The following FOXL2 variants were observed in gnomAD, a reference collection of about 807,000 sequenced individuals.
FOXL2 encodes forkhead box protein L2.
A neutral mutation model predicts 2.5 loss-of-function variants in FOXL2; 3 were observed. The observed-to-expected ratio is 1.20, with a 90% CI of 0.55 to 3.11. FOXL2 has a LOEUF of 3.11. Ranked by LOEUF, FOXL2 falls within the 30% of genes most tolerant of loss-of-function variation. FOXL2 has a pLI of 0.03. For missense variants in FOXL2, 512 were observed against 570.0 expected (o/e 0.90, Z 1.04); for synonymous variants, 315 against 269.4 (o/e 1.17, Z -1.66).
At position 138,946,423 on chromosome 3, in the gene FOXL2, A is replaced by G. The variant is rs1356397966; in HGVS notation, c.300T>C (p.Asn100=). The part of the protein sequence containing the change: ...FYEKNKKGWQ[N]SIRHNLSLNE... ...TGAGGCTGAGGTTGTGGCGGATGCTATTTTGCCAGCCCTTCTTATTCTTCT... is the reference window on the plus strand; with the variant it reads ...TGAGGCTGAGGTTGTGGCGGATGCTGTTTTGCCAGCCCTTCTTATTCTTCT... The change falls in exon 1 of 1, where the codon AAT becomes AAC. Residue 100 remains asparagine, a synonymous_variant. Coordinates refer to ENST00000648323, the MANE Select transcript of FOXL2 (RefSeq NM_023067.4). 28 of 1,613,914 alleles carry G rather than the reference A, an allele frequency of 1.7e-5. No homozygotes were observed. The highest frequency in any genetic ancestry group is 2.3e-5 in the Non-Finnish European group (27 of 1,179,962).
In FOXL2 at chr3:138,946,084, C is replaced by T; in HGVS notation, c.639G>A (p.Met213Ile). 2 of 1,465,404 alleles carry T rather than the reference C, an allele frequency of 1.4e-6. No homozygotes were observed. Among genetic ancestry groups the T allele is most frequent in the Non-Finnish European group, 1.8e-6 (2 of 1,117,272 alleles). 90.8% of individuals were successfully genotyped at this position (1,465,404 alleles called of 1,614,324 possible). The change falls in exon 1 of 1, where the codon ATG (methionine) becomes ATA (isoleucine). Residue 213 changes from methionine (M) to isoleucine (I), a missense_variant. Around this residue, in one of 5 missense-constraint regions of FOXL2, gnomAD observed 287 missense variants for 277.4 expected, o/e 1.03. Coordinates refer to ENST00000648323, the MANE Select transcript of FOXL2 (RefSeq NM_023067.4). ...CCGCCATCTGGCAGGAGGCATAGGGCATGGGTGAGGGAGGCTGCGGTAGCG... is the reference window on the plus strand; with the variant it reads ...CCGCCATCTGGCAGGAGGCATAGGGTATGGGTGAGGGAGGCTGCGGTAGCG... ...SWPLPQPPSP[M>I]PYASCQMAAA...
rs951977992 is a variant in FOXL2, at chr3:138,947,077, C to A, written c.-355G>T. On this transcript the variant is annotated 5_prime_UTR_variant, in exon 1 of 1. Transcript: ENST00000648323. This position sits in a 1 kb window ranked among gnomAD's most constrained non-coding sequence, Gnocchi z 5.2. Reference sequence around the variant, plus strand: ...CCCCCCGGTTTCCCGAAGCACGACCCGCGTCTCTGGCGGAGCTGCCTCCTG... The same window carrying A: ...CCCCCCGGTTTCCCGAAGCACGACCAGCGTCTCTGGCGGAGCTGCCTCCTG... The A allele has an allele frequency of 1.2e-5, 5 of 411,058 alleles. No individual in the cohort carries two copies. In the South Asian group the frequency reaches 1.5e-4, roughly 12 times the overall value. 25.5% of individuals were successfully genotyped at this position (411,058 alleles called of 1,614,324 possible). A position where few individuals can be genotyped will look rare whatever the true frequency, so the allele number is the denominator to read the frequency against.
chr3:138,945,723 C>G lies in FOXL2; in HGVS notation c.1000G>C (p.Ala334Pro), dbSNP rs138198451. 2 of 1,455,942 alleles carry G rather than the reference C, an allele frequency of 1.4e-6. No individual in the cohort carries two copies. Among genetic ancestry groups the G allele is most frequent in the South Asian group, 1.4e-5 (1 of 73,206 alleles). 90.2% of individuals were successfully genotyped at this position (1,455,942 alleles called of 1,614,324 possible). The change falls in exon 1 of 1, where the codon GCG becomes CCG. Residue 334 changes from alanine (A) to proline (P), a missense_variant. Ala to Pro is a conservative substitution (Grantham distance 27). This residue lies in a region of FOXL2 where 4 missense variants were observed against 17.6 expected (regional missense o/e 0.23). Transcript: ENST00000648323. ...CCCGGCGCACTGGTGGGCGCGGGCG[C>G]CGGGGGCGCGGCGGTGGCTGGGCTG... The part of the protein sequence containing the change: ...PASPATAAPP[A>P]PAPTSAPGLQ...
Position 138,946,007 on chromosome 3 carries a change from G to T in FOXL2, c.716C>A (p.Pro239His). 7.2e-7 allele frequency: 1 copy of T among 1,393,940 alleles called. No homozygotes were observed. The highest frequency in any genetic ancestry group is 9.2e-7 in the Non-Finnish European group (1 of 1,087,112). 86.3% of individuals were successfully genotyped at this position (1,393,940 alleles called of 1,614,324 possible). ...CCCCTTGACCACAGCGGCCGCGCCA[G>T]GGCTACCGGGGCCCGCGGCTGCAGC... The part of the protein sequence containing the change: ...AAAAAAGPGS[P>H]GAAAVVKGLA... Residue 239 changes from proline to histidine, a missense_variant, in exon 1 of 1, where the codon CCT becomes CAT. Physicochemically the swap from Pro to His is moderately conservative, Grantham distance 77. Coordinates refer to ENST00000648323, the MANE Select transcript of FOXL2 (RefSeq NM_023067.4).
rs539109610 is a variant in FOXL2 at position 138,946,882 on chromosome 3, C to T, written c.-160G>A. 42 of 1,077,048 alleles carry T rather than the reference C, an allele frequency of 3.9e-5. No individual in the cohort carries two copies. Among genetic ancestry groups the T allele is most frequent in the Non-Finnish European group, 5.2e-5 (39 of 754,774 alleles). 66.7% of individuals were successfully genotyped at this position (1,077,048 alleles called of 1,614,324 possible). On this transcript the variant is annotated 5_prime_UTR_variant, in exon 1 of 1. Transcript: ENST00000648323. ...TGCTTGCTGGAGGCCTGTCGCTGCT[C>T]TCCCCTCTCCTTCCCCTTCCCCTAG...
Position 138,946,993 on chromosome 3 carries a change from C to A in FOXL2, c.-271G>T, listed in dbSNP as rs1261761892. 55 of 559,516 alleles carry A rather than the reference C, an allele frequency of 9.8e-5. 1 individual carries two copies. The South Asian group carries it at 1.2e-3, about 12-fold the overall frequency. 34.7% of individuals were successfully genotyped at this position (559,516 alleles called of 1,614,324 possible). A position where few individuals can be genotyped will look rare whatever the true frequency, so the allele number is the denominator to read the frequency against. On this transcript the variant is annotated 5_prime_UTR_variant, in exon 1 of 1. Transcript: ENST00000648323. ...GGGCTCCGGCCTCGCCGCCCCTCCCCGCTCAGGCCAGTCCCCGCCTTGGTG... is the reference window on the plus strand; with the variant it reads ...GGGCTCCGGCCTCGCCGCCCCTCCCAGCTCAGGCCAGTCCCCGCCTTGGTG...
rs991578041 is a variant in FOXL2 at position 138,944,461 on chromosome 3, G to A, written c.*1131C>T. On this transcript the variant is annotated 3_prime_UTR_variant, in exon 1 of 1. Coordinates refer to ENST00000648323, the MANE Select transcript of FOXL2 (RefSeq NM_023067.4). ...CCTTCCCAAGGTGGGAGAAGCAGGA[G>A]GTTTGAAAAACAAAAAGCAGGGAGG... 1 of 233,006 alleles carries A rather than the reference G, an allele frequency of 4.3e-6. No individual in the cohort carries two copies. Among genetic ancestry groups the A allele is most frequent in the African/African-American group, 2.2e-5 (1 of 45,434 alleles). 14.4% of individuals were successfully genotyped at this position (233,006 alleles called of 1,614,324 possible). A position where few individuals can be genotyped will look rare whatever the true frequency, so the allele number is the denominator to read the frequency against.
chr3:138,945,242 C>A lies in FOXL2; in HGVS notation c.*350G>T. On this transcript the variant is annotated 3_prime_UTR_variant, in exon 1 of 1. Transcript: ENST00000648323. ...GAGGTCTGCGCTGCCGACGCCCGGT[C>A]GCACCTCCGCCCCGGGCCCTTTCCG... The A allele has an allele frequency of 6.6e-5, 16 of 244,102 alleles. No homozygotes were observed. The highest frequency in any genetic ancestry group is 5.0e-4 in the South Asian group (3 of 6,012). The allele number at this position is 244,102 out of a possible 1,614,324, so 15.1% of individuals were successfully genotyped here. A position where few individuals can be genotyped will look rare whatever the true frequency, so the allele number is the denominator to read the frequency against.
chr3:138,945,346 G>GC lies in FOXL2; in HGVS notation c.*245dup. 2.1e-6 allele frequency: 1 copy of GC among 465,624 alleles called. No individual in the cohort carries two copies. Among genetic ancestry groups the GC allele is most frequent in the Non-Finnish European group, 3.6e-6 (1 of 277,090 alleles). The allele number at this position is 465,624 out of a possible 1,614,324, so 28.8% of individuals were successfully genotyped here. ...AAAGCGCGCAGAGAGGCAGCTTCAG[G>GC]CCAGGGGAGTGCAAGGTCACAGAGG... On this transcript the variant is annotated 3_prime_UTR_variant, in exon 1 of 1. Transcript: ENST00000648323.
rs1268572178 is a variant in FOXL2 at position 138,944,272 on chromosome 3, C to A, written c.*1320G>T. The A allele has an allele frequency of 4.8e-5, 11 of 230,872 alleles. No individual in the cohort carries two copies. The highest frequency in any genetic ancestry group is 1.8e-4 in the African/African-American group (8 of 43,632). The allele number at this position is 230,872 out of a possible 1,614,324, so 14.3% of individuals were successfully genotyped here. A position where few individuals can be genotyped will look rare whatever the true frequency, so the allele number is the denominator to read the frequency against. On this transcript the variant is annotated 3_prime_UTR_variant, in exon 1 of 1. Transcript: ENST00000648323. The stretch of plus-strand genomic sequence containing the variant: ...ATTCGGGAATCGACAAGGCAAAAAA[C>A]AAAAACAAAACAAAAAAACACAACA...
Position 138,946,956 on chromosome 3 carries a change from C to T in FOXL2, c.-234G>A, listed in dbSNP as rs1287908535. The T allele has an allele frequency of 1.2e-5, 7 of 606,990 alleles. No homozygotes were observed. The highest frequency in any genetic ancestry group is 7.0e-5 in the South Asian group (3 of 42,824). 37.6% of individuals were successfully genotyped at this position (606,990 alleles called of 1,614,324 possible). ...TCAGCCTCTGGCCATGGGGAGTCCG[C>T]CCAACAGAGAGGGGCTCCGGCCTCG... On this transcript the variant is annotated 5_prime_UTR_variant, in exon 1 of 1. Transcript: ENST00000648323.
In FOXL2 at chr3:138,946,171, G is replaced by A. The variant is rs1200193326; in HGVS notation, c.552C>T (p.Asp184=). The A allele has an allele frequency of 7.4e-6, 11 of 1,483,450 alleles. No homozygotes were observed. Among genetic ancestry groups the A allele is most frequent in the Non-Finnish European group, 8.9e-6 (10 of 1,124,092 alleles). 91.9% of individuals were successfully genotyped at this position (1,483,450 alleles called of 1,614,324 possible). ...TGGGGGGCGCCAGGTAGCCGTAGCC[G>A]TCGGCCCCGGCGCCCGCCACGCCGC... The part of the protein sequence containing the change: ...GGCGVAGAGA[D]GYGYLAPPKY... Residue 184 remains aspartate (D), a synonymous_variant, in exon 1 of 1, where the codon GAC becomes GAT. Transcript: ENST00000648323.
chr3:138,946,704 C>G lies in FOXL2; in HGVS notation c.19G>C (p.Glu7Gln), dbSNP rs1298522738. Residue 7 changes from glutamate to glutamine, a missense_variant, in exon 1 of 1, where the codon GAG becomes CAG. Transcript: ENST00000648323. MMASYP[E>Q]PEDAAGALLA... is the part of the protein sequence containing the mutation. ...AGGGCCCCCGCCGCGTCCTCGGGCT[C>G]GGGGTAGCTGGCCATCATGACAAAG... 1.9e-6 allele frequency: 3 copies of G among 1,582,814 alleles called. No homozygotes were observed. Among genetic ancestry groups the G allele is most frequent in the Admixed American group, 3.6e-5 (2 of 55,920 alleles).
chr3:138,946,889 C>T lies in FOXL2; in HGVS notation c.-167G>A. 1 of 1,037,110 alleles carries T rather than the reference C, an allele frequency of 9.6e-7. No individual in the cohort carries two copies. The highest frequency in any genetic ancestry group is 1.4e-6 in the Non-Finnish European group (1 of 721,204). 64.2% of individuals were successfully genotyped at this position (1,037,110 alleles called of 1,614,324 possible). On this transcript the variant is annotated 5_prime_UTR_variant, in exon 1 of 1. Coordinates refer to ENST00000648323, the MANE Select transcript of FOXL2 (RefSeq NM_023067.4). Reference sequence around the variant, plus strand: ...TGGAGGCCTGTCGCTGCTCTCCCCTCTCCTTCCCCTTCCCCTAGGGAGCGG... The same window carrying T: ...TGGAGGCCTGTCGCTGCTCTCCCCTTTCCTTCCCCTTCCCCTAGGGAGCGG...
chr3:138,944,392 C>T lies in FOXL2; in HGVS notation c.*1200G>A, dbSNP rs560202998. 1 of 233,108 alleles carries T rather than the reference C, an allele frequency of 4.3e-6. No homozygotes were observed. The highest frequency in any genetic ancestry group is 1.8e-4 in the South Asian group (1 of 5,528). 14.4% of individuals were successfully genotyped at this position (233,108 alleles called of 1,614,324 possible). ...GTTTTCGGGCCGGGCCGGCTCCGGG[C>T]CACAAGACCGCCTAGGTCGGCCGCT... On this transcript the variant is annotated 3_prime_UTR_variant, in exon 1 of 1. Transcript: ENST00000648323.
At position 138,946,684 on chromosome 3, in the gene FOXL2, C is replaced by T. The variant is rs762137688; in HGVS notation, c.39G>A (p.Gly13=). The change falls in exon 1 of 1, where the codon GGG becomes GGA. Residue 13 remains glycine, a synonymous_variant. Transcript: ENST00000648323. Reference sequence around the variant, plus strand: ...GACCGGTCTCTGGGGCCAGCAGGGCCCCCGCCGCGTCCTCGGGCTCGGGGT... The same window carrying T: ...GACCGGTCTCTGGGGCCAGCAGGGCTCCCGCCGCGTCCTCGGGCTCGGGGT... The part of the protein sequence containing the change: ...ASYPEPEDAA[G]ALLAPETGRT... 1.1e-5 allele frequency: 17 copies of T among 1,578,076 alleles called. No individual in the cohort carries two copies. Among genetic ancestry groups the T allele is most frequent in the Admixed American group, 1.8e-5 (1 of 54,944 alleles).
At position 138,945,450 on chromosome 3, in the gene FOXL2, A is replaced by T; in HGVS notation, c.*142T>A. The T allele has an allele frequency of 7.0e-7, 1 of 1,418,704 alleles. No homozygotes were observed. The highest frequency in any genetic ancestry group is 9.4e-7 in the Non-Finnish European group (1 of 1,061,546). 87.9% of individuals were successfully genotyped at this position (1,418,704 alleles called of 1,614,324 possible). On this transcript the variant is annotated 3_prime_UTR_variant, in exon 1 of 1. Transcript: ENST00000648323. ...GGAGCTTAGGAAAGCGAAAAAGCACAGAGGGACCCTGGGCGCTGGCTCCAG... is the reference window on the plus strand; with the variant it reads ...GGAGCTTAGGAAAGCGAAAAAGCACTGAGGGACCCTGGGCGCTGGCTCCAG...
Position 138,946,293 on chromosome 3 carries a change from G to A in FOXL2, c.430C>T (p.Arg144Trp). 1 of 1,611,684 alleles carries A rather than the reference G, an allele frequency of 6.2e-7. No homozygotes were observed. The change falls in exon 1 of 1, where the codon CGG becomes TGG. Residue 144 changes from arginine to tryptophan, a missense_variant. Arg to Trp is a moderately radical substitution (Grantham distance 101). Coordinates refer to ENST00000648323, the MANE Select transcript of FOXL2 (RefSeq NM_023067.4). ...GGCCTCTTCATGCGGCGGCGGCGCCGGTAGTTGCCCTTCTCGAACATGTCT... is the reference window on the plus strand; with the variant it reads ...GGCCTCTTCATGCGGCGGCGGCGCCAGTAGTTGCCCTTCTCGAACATGTCT... ...CEDMFEKGNY[R>W]RRRRMKRPFR...
chr3:138,946,849 C>A lies in FOXL2; in HGVS notation c.-127G>T. The A allele has an allele frequency of 7.3e-7, 1 of 1,376,080 alleles. No individual in the cohort carries two copies. Among genetic ancestry groups the A allele is most frequent in the Non-Finnish European group, 9.8e-7 (1 of 1,020,096 alleles). The allele number at this position is 1,376,080 out of a possible 1,614,324, so 85.2% of individuals were successfully genotyped here. On this transcript the variant is annotated 5_prime_UTR_variant, in exon 1 of 1. Coordinates refer to ENST00000648323, the MANE Select transcript of FOXL2 (RefSeq NM_023067.4). ...AAACTTCTGGAGACTGCGGATGCCGCCCGCGCTTGCTTGCTGGAGGCCTGT... is the reference window on the plus strand; with the variant it reads ...AAACTTCTGGAGACTGCGGATGCCGACCGCGCTTGCTTGCTGGAGGCCTGT...
Sources: gnomAD v4.1 joint callset for allele counts on GRCh38, gnomAD v4.1.1 for gene constraint, gnomAD v4.1.1 regional missense constraint, Gnocchi (gnomAD v3.1) non-coding constraint, MANE v1.5 for transcripts, NCBI Gene and HGNC (gene_info 2026-07-23, HGNC 2026-07-21) for gene names.